The following ANGPT1 variants were observed in gnomAD, a reference collection of about 807,000 sequenced individuals.
ANGPT1 encodes angiopoietin-1.
Under a neutral mutation model 62.2 loss-of-function variants are expected in ANGPT1, and 17 were observed. The observed-to-expected ratio is 0.27, with a 90% CI of 0.19 to 0.41. ANGPT1 has a LOEUF of 0.41. ANGPT1 is among the 10% of genes least tolerant of loss of function. The pLI is 1.00. For missense variants in ANGPT1, 478 were observed against 594.9 expected, an observed-to-expected ratio of 0.80 and a Z score of 2.04; for synonymous variants, 199 against 198.9, an observed-to-expected ratio of 1.00 and a Z score of 0.00.
intron 1 of ANGPT1, among the ~76,000 whole-genome samples, chr8:107,448,013 A>T (rs1811665037): frequency 6.6e-6 from 1 of 152,208 alleles, no homozygotes; most frequent in East Asian, 1.9e-4. Flanking sequence ...CGGGTCCTAC[A>T]GTTAGTTAGT....
intron 3 of ANGPT1, among the ~76,000 whole-genome samples, chr8:107,324,159 AT>A (rs1008136357): frequency 2.0e-4 from 29 of 145,190 alleles, no homozygotes; most frequent in African/African-American, 4.1e-4. Context: ...AAAAAAAAAA[AT>A]ATGTATATAT....
chr8:107,345,706 A>G (rs922492794), intron 2 of ANGPT1, among the ~76,000 whole-genome samples: 8 of 152,192 alleles, frequency 5.3e-5, no homozygotes, highest in Non-Finnish European at 1.2e-4. Flanking sequence ...ACCAATGTGC[A>G]TATATTATCA....
intron 2 of ANGPT1, among the ~76,000 whole-genome samples, chr8:107,344,717 A>C (rs1563578565): frequency 6.6e-6 from 1 of 152,200 alleles, no homozygotes; most frequent in Non-Finnish European, 1.5e-5. Context: ...GAGGACCTGA[A>C]GTCAGTTTTA....
At chr8:107,361,977 T>C (rs1239414591) in intron 1 of ANGPT1, among the ~76,000 whole-genome samples, 1 of 152,144 alleles carries the variant, frequency 6.6e-6, no homozygotes, top group Non-Finnish European at 1.5e-5. Context: ...GAGAATCACT[T>C]GAACTCTGGA....
intron 1 of ANGPT1, among the ~76,000 whole-genome samples, chr8:107,380,662 C>T (rs1030560417): frequency 1.3e-5 from 2 of 152,122 alleles, no homozygotes; most frequent in South Asian, 2.1e-4. Flanking sequence ...AATACTTTCT[C>T]ATTTTATCAA....
At position 107,459,142 on chromosome 8, in the gene ANGPT1, C is replaced by T. The variant is rs531842355; in HGVS notation, c.297+38120G>A. Among the ~76,000 whole-genome samples the T allele has an allele frequency of 3.3e-5, 5 of 152,282 alleles. No homozygotes were observed. The South Asian group carries it at 6.2e-4, about 19-fold the overall frequency. On this transcript the variant is annotated intron_variant, in intron 1 of 8. Transcript: ENST00000517746. ...TCTTACTCAATATCCCATTCAGTAA[C>T]TTTTGGCTTCATTTTATATTTAAGG...
intron 1 of ANGPT1, among the ~76,000 whole-genome samples, chr8:107,365,625 G>A (rs556182776): frequency 2.0e-5 from 3 of 152,166 alleles, no homozygotes; most frequent in African/African-American, 2.4e-5. Flanking sequence ...TTGGGATTTC[G>A]TCTTTCAATG....
chr8:107,413,133 C>G (rs968757865), intron 1 of ANGPT1, among the ~76,000 whole-genome samples: 4 of 152,124 alleles, frequency 2.6e-5, no homozygotes, highest in Admixed American at 6.6e-5. Flanking sequence ...CTGGGTGAAA[C>G]AGTGTCAGGC....
intron 1 of ANGPT1, among the ~76,000 whole-genome samples, chr8:107,431,690 C>T (rs1270573475): frequency 6.6e-6 from 1 of 151,806 alleles, no homozygotes. Context: ...CTCCTTAATG[C>T]TTGTATCTAC....
At chr8:107,476,007 C>T (rs969881440) in intron 1 of ANGPT1, among the ~76,000 whole-genome samples, 5 of 152,146 alleles carry the variant, frequency 3.3e-5, no homozygotes, top group Non-Finnish European at 4.4e-5. Context: ...CTAGTTCAAC[C>T]ATTGTGGAAG....
chr8:107,449,845 A>G (rs1301415041), intron 1 of ANGPT1, among the ~76,000 whole-genome samples: 2 of 152,122 alleles, frequency 1.3e-5, no homozygotes, highest in African/African-American at 4.8e-5. Context: ...TTCGTCCTGT[A>G]TGATGAATCA....
intron 1 of ANGPT1, among the ~76,000 whole-genome samples, chr8:107,446,670 T>C (rs1212953399): frequency 6.6e-6 from 1 of 152,228 alleles, no homozygotes; most frequent in Non-Finnish European, 1.5e-5. Context: ...CAGGGTTTGC[T>C]TTGAAAACGT....
chr8:107,412,049 C>T (rs147330375), intron 1 of ANGPT1, among the ~76,000 whole-genome samples: 1 of 152,216 alleles, frequency 6.6e-6, no homozygotes, highest in East Asian at 1.9e-4. Context: ...TGCTTAGCTG[C>T]ATCATCTTGG....
At chr8:107,336,118 C>T (rs773397010) in intron 3 of ANGPT1, 32 bp downstream of exon 3, 4 of 1,575,922 alleles carry the variant, frequency 2.5e-6, no homozygotes, top group Admixed American at 1.9e-5. Context: ...TAAGTACACA[C>T]AGAAACATTT....
intron 1 of ANGPT1, among the ~76,000 whole-genome samples, chr8:107,354,150 C>G (rs1040406862): frequency 3.3e-5 from 5 of 152,156 alleles, no homozygotes; most frequent in South Asian, 2.1e-4. Context: ...AAGTCATTCT[C>G]TCTTTGCATA....
chr8:107,298,369 G>A (rs899788975), intron 5 of ANGPT1, among the ~76,000 whole-genome samples: 10 of 151,816 alleles, frequency 6.6e-5, no homozygotes, highest in African/African-American at 2.2e-4. Flanking sequence ...GCAGAGTAAT[G>A]ATTAAATGGT....
At chr8:107,305,060 G>A (rs1191029781) in intron 4 of ANGPT1, among the ~76,000 whole-genome samples, 2 of 151,956 alleles carry the variant, frequency 1.3e-5, no homozygotes, top group Non-Finnish European at 2.9e-5. Flanking sequence ...AAGCATTGAC[G>A]TAGTTTACTG....
chr8:107,370,395 A>G (rs1464581813), intron 1 of ANGPT1, among the ~76,000 whole-genome samples: 1 of 58,890 alleles, frequency 1.7e-5, no homozygotes, highest in African/African-American at 4.0e-5. Flanking sequence ...AAAGAAAGAA[A>G]GAAAGAAAGA....
chr8:107,322,174 C>A lies in ANGPT1; in HGVS notation c.576-46G>T, dbSNP rs1218866715. 3.7e-6 allele frequency: 5 copies of A among 1,355,088 alleles called. No individual in the cohort carries two copies. The Admixed American group carries it at 7.0e-5, about 19-fold the overall frequency. The allele number at this position is 1,355,088 out of a possible 1,614,324, so 83.9% of individuals were successfully genotyped here. ...AACTTAGATTTGAAAAAATGTTATA[C>A]AAAAAAACCCTTATAATTCAATTGG... On this transcript the variant is annotated intron_variant, in intron 3 of 8. Transcript: ENST00000517746.
Sources: allele counts gnomAD v4.1 joint callset (sites outside exome capture counted in the v4.1 genomes callset), GRCh38; gene constraint gnomAD v4.1.1; transcripts MANE v1.5; gene names NCBI Gene and HGNC (gene_info 2026-07-23, HGNC 2026-07-21).